The following CABIN1 variants were observed in gnomAD, a reference collection of about 807,000 sequenced individuals.
CABIN1 encodes calcineurin-binding protein cabin-1.
A neutral mutation model predicts 227.7 loss-of-function variants in CABIN1; 133 were observed. That is an observed-to-expected ratio of 0.58 (90% confidence interval 0.51 to 0.67). The LOEUF (loss-of-function observed/expected upper bound fraction) is 0.67, where lower values mean the gene tolerates loss of function less well. Among genes scored for constraint, CABIN1 ranks in the 30% least tolerant of loss-of-function variants. The pLI, the probability that CABIN1 is intolerant of heterozygous loss-of-function variation, is 0.00. For synonymous variants in CABIN1, 1,086 were observed against 1,155.1 expected (o/e 0.94, Z 1.21); for missense variants, 2,408 against 2,852.5 (o/e 0.84, Z 3.55).
At chr22:24,123,255 G>A (rs890570557) in intron 28 of CABIN1, among the ~76,000 whole-genome samples, 2 of 151,804 alleles carry the variant, frequency 1.3e-5, no homozygotes, top group Non-Finnish European at 2.9e-5. Context: ...TTTTCTGTTC[G>A]TTGCATTCCC....
At chr22:24,085,943 C>A (rs1245054725) in intron 22 of CABIN1, among the ~76,000 whole-genome samples, 2 of 152,192 alleles carry the variant, frequency 1.3e-5, no homozygotes, top group East Asian at 3.8e-4. Flanking sequence ...GCCCTTGAGC[C>A]ATGGGTGAGC....
intron 15 of CABIN1, 55 bp from the exon 16 acceptor site, chr22:24,066,932 G>T (rs1050961474): frequency 1.3e-6 from 2 of 1,552,742 alleles, no homozygotes; most frequent in African/African-American, 1.4e-5. Flanking sequence ...GCCAGATTTG[G>T]TGGGGCAGGG....
intron 19 of CABIN1, among the ~76,000 whole-genome samples, chr22:24,080,263 T>A (rs903796747): frequency 6.6e-6 from 1 of 152,226 alleles, no homozygotes; most frequent in Non-Finnish European, 1.5e-5. Context: ...AGGAGTCTTG[T>A]CCGTTCCTGA....
In CABIN1 at chr22:24,054,916, C is replaced by G. The variant is rs1410701454; in HGVS notation, c.850C>G (p.Leu284Val). Residue 284 changes from leucine (L) to valine (V), a missense_variant, in exon 9 of 37, where the codon CTC becomes GTC. Around this residue, in one of 3 missense-constraint regions of CABIN1, gnomAD observed 1,045 missense variants for 1,168.4 expected, o/e 0.89. Transcript: ENST00000263119. ...GAGCTTGCTGGCCATGTACAATCAT[C>G]TCACCACCTGTGAGCCCCCACGTCC... is the stretch of plus-strand genomic sequence containing the variant. ...GESLLAMYNH[L>V]TTCEPPRPSL... The G allele has an allele frequency of 6.2e-7, 1 of 1,614,100 alleles. No homozygotes were observed. Among genetic ancestry groups the G allele is most frequent in the African/African-American group, 1.3e-5 (1 of 74,926 alleles).
chr22:24,062,983 G>A lies in CABIN1; in HGVS notation c.1721G>A (p.Gly574Asp). The change falls in exon 14 of 37, where the codon GGT (glycine) becomes GAT (aspartate). Residue 574 changes from glycine to aspartate, a missense_variant. Transcript: ENST00000263119. ...SAVSPRNCPA[G>D]MVNGRFGPDF... ...GTGTCTCCTCGGAACTGCCCTGCTGGTATGGTGAATGGCAGATTTGGACCT... is the reference window on the plus strand; with the variant it reads ...GTGTCTCCTCGGAACTGCCCTGCTGATATGGTGAATGGCAGATTTGGACCT... The A allele has an allele frequency of 6.2e-7, 1 of 1,614,204 alleles. No individual in the cohort carries two copies. Among genetic ancestry groups the A allele is most frequent in the Non-Finnish European group, 8.5e-7 (1 of 1,180,036 alleles).
intron 29 of CABIN1, among the ~76,000 whole-genome samples, chr22:24,152,958 C>T (rs942094265): frequency 4.2e-4 from 63 of 150,638 alleles, no homozygotes; most frequent in African/African-American, 1.5e-3. Context: ...AAGAAAGGAG[C>T]CAGGAGAAAT....
chr22:24,090,803 C>T (rs1444218062), intron 23 of CABIN1, among the ~76,000 whole-genome samples: 1 of 152,106 alleles, frequency 6.6e-6, no homozygotes, highest in Non-Finnish European at 1.5e-5. Context: ...GCTATCAATC[C>T]AGGACCACAG....
In CABIN1 at chr22:24,084,498, G is replaced by A. The variant is rs943105465; in HGVS notation, c.2911-81G>A. Reference sequence around the variant, plus strand: ...TAACCTCATTTACATTGGACAAAGTGCGTTTCTATGGAGGAATGCAATTTT... The same window carrying A: ...TAACCTCATTTACATTGGACAAAGTACGTTTCTATGGAGGAATGCAATTTT... On this transcript the variant is annotated intron_variant, in intron 20 of 36. Coordinates refer to ENST00000263119, the MANE Select transcript of CABIN1 (RefSeq NM_012295.4). 5.5e-6 allele frequency: 6 copies of A among 1,089,010 alleles called. No homozygotes were observed. The South Asian group carries it at 6.3e-5, about 11-fold the overall frequency. The allele number at this position is 1,089,010 out of a possible 1,614,324, so 67.5% of individuals were successfully genotyped here. A position where few individuals can be genotyped will look rare whatever the true frequency, so the allele number is the denominator to read the frequency against.
chr22:24,103,775 T>C (rs575811622), intron 26 of CABIN1, among the ~76,000 whole-genome samples: 1 of 152,260 alleles, frequency 6.6e-6, no homozygotes, highest in African/African-American at 2.4e-5. Context: ...ATTGAACATC[T>C]GTTGTGTGCC....
chr22:24,028,103 A>G (rs764870771), intron 1 of CABIN1, among the ~76,000 whole-genome samples: 5 of 152,202 alleles, frequency 3.3e-5, no homozygotes, highest in Admixed American at 1.3e-4. Flanking sequence ...ACTATAGTCT[A>G]TTAAGTGTGC....
chr22:24,157,630 TAC>T (rs1290216585), intron 29 of CABIN1, among the ~76,000 whole-genome samples: 1 of 152,194 alleles, frequency 6.6e-6, no homozygotes, highest in Non-Finnish European at 1.5e-5. Flanking sequence ...AAGTTTGCCC[TAC>T]ACGCCCCACG....
At chr22:24,048,003 C>T (rs935385640) in intron 6 of CABIN1, among the ~76,000 whole-genome samples, 6 of 152,206 alleles carry the variant, frequency 3.9e-5, no homozygotes, top group Non-Finnish European at 8.8e-5. Context: ...TTTGTGAATC[C>T]ATGCCATCCC....
intron 29 of CABIN1, among the ~76,000 whole-genome samples, chr22:24,135,798 C>T (rs2044360046): frequency 4.6e-5 from 7 of 152,196 alleles, no homozygotes; most frequent in Admixed American, 4.6e-4. Context: ...GAGCAGGTTT[C>T]AGGTCTGGAG....
Position 24,042,980 on chromosome 22 carries a change from C to G in CABIN1, c.422C>G (p.Pro141Arg). Residue 141 changes from proline (P) to arginine (R), a missense_variant, in exon 6 of 37, where the codon CCC becomes CGC. Physicochemically the swap from Pro to Arg is moderately radical, Grantham distance 103. Around this residue, in one of 3 missense-constraint regions of CABIN1, gnomAD observed 1,045 missense variants for 1,168.4 expected, o/e 0.89. Transcript: ENST00000263119. ...GTGGCCCTGAGGCTCATCCGGATCC[C>G]CCTGGCTCGCCATGCTTTTGAGGAA... ...GHVALRLIRI[P>R]LARHAFEEGL... 6.2e-7 allele frequency: 1 copy of G among 1,613,886 alleles called. No homozygotes were observed. The highest frequency in any genetic ancestry group is 1.1e-5 in the South Asian group (1 of 91,068).
Position 24,176,141 on chromosome 22 carries a change from G to T in CABIN1, c.6071G>T (p.Gly2024Val). ...GAAGAGCTGGCGAGAGTGGCAGAGGGCACCAGCTTCCCGCCTCAGGAGCCA... is the reference window on the plus strand; with the variant it reads ...GAAGAGCTGGCGAGAGTGGCAGAGGTCACCAGCTTCCCGCCTCAGGAGCCA... Reference protein sequence around the residue: ...EGEELARVAEGTSFPPQEPRH... With the variant: ...EGEELARVAEVTSFPPQEPRH... The change falls in exon 35 of 37, where the codon GGC (glycine) becomes GTC (valine). Residue 2024 changes from glycine (G) to valine (V), a missense_variant. This residue lies in a region of CABIN1 where 714 missense variants were observed against 773.8 expected (regional missense o/e 0.92). Transcript: ENST00000263119. 1.2e-6 allele frequency: 2 copies of T among 1,610,816 alleles called. No homozygotes were observed. The highest frequency in any genetic ancestry group is 1.7e-6 in the Non-Finnish European group (2 of 1,179,176).
chr22:24,084,510 A>G, intron 20 of CABIN1, 69 bp from the exon 21 acceptor site: 1 of 1,225,886 alleles, frequency 8.2e-7, no homozygotes, highest in South Asian at 1.2e-5. Context: ...GTTTCTATGG[A>G]GGAATGCAAT....
intron 29 of CABIN1, among the ~76,000 whole-genome samples, chr22:24,148,661 A>G (rs2045299343): frequency 6.6e-6 from 1 of 152,104 alleles, no homozygotes; most frequent in African/African-American, 2.4e-5. Context: ...GGCCAGTTGG[A>G]TGATATCAGT....
At chr22:24,117,737 A>G (rs2043170131) in intron 27 of CABIN1, among the ~76,000 whole-genome samples, 1 of 152,178 alleles carries the variant, frequency 6.6e-6, no homozygotes. Flanking sequence ...TTCCATAAAA[A>G]TTGTGCTCTG....
At chr22:24,135,298 G>C (rs1185910892) in intron 29 of CABIN1, among the ~76,000 whole-genome samples, 2 of 151,940 alleles carry the variant, frequency 1.3e-5, no homozygotes, top group African/African-American at 4.8e-5. Context: ...GCTGAGGCAG[G>C]AGAATTGCTT....
Sources: gnomAD v4.1 joint callset for allele counts (sites outside exome capture counted in the v4.1 genomes callset) on GRCh38, gnomAD v4.1.1 for gene constraint, gnomAD v4.1.1 regional missense constraint, MANE v1.5 for transcripts, NCBI Gene and HGNC (gene_info 2026-07-23, HGNC 2026-07-21) for gene names.